RELN: variants seen among roughly 807,000 people sequenced by gnomAD.
The protein encoded by RELN is reelin.
In RELN, 108 loss-of-function variants were observed where a neutral mutation model predicts 427.6. The observed-to-expected ratio is 0.25, with a 90% CI of 0.22 to 0.30. The LOEUF (loss-of-function observed/expected upper bound fraction) is 0.30, where lower values mean the gene tolerates loss of function less well. Ranked by LOEUF, RELN falls within the 10% of genes least tolerant of loss-of-function variation. The pLI is 1.00. For missense variants in RELN, 3,715 were observed against 4,302.8 expected, an observed-to-expected ratio of 0.86 and a Z score of 3.82; for synonymous variants, 1,524 against 1,513.4, an observed-to-expected ratio of 1.01 and a Z score of -0.16.
chr7:103,742,398 G>A (rs1353646050), intron 6 of RELN, among the ~76,000 whole-genome samples: 5 of 152,216 alleles, frequency 3.3e-5, no homozygotes, highest in Non-Finnish European at 5.9e-5. Context: ...CACCAGTAAC[G>A]GAACAAAACT....
chr7:103,721,049 A>G (rs1011264666), intron 8 of RELN, among the ~76,000 whole-genome samples: 3 of 152,174 alleles, frequency 2.0e-5, no homozygotes, highest in Non-Finnish European at 4.4e-5. Context: ...AAGTTTATAA[A>G]CAATAAATTA....
At chr7:103,899,162 A>G (rs1795026487) in intron 2 of RELN, among the ~76,000 whole-genome samples, 1 of 152,074 alleles carries the variant, frequency 6.6e-6, no homozygotes, top group Admixed American at 6.6e-5. Context: ...TACTATAAAC[A>G]CCTCTACTTA....
chr7:103,686,000 A>G (rs1833757595), intron 10 of RELN, among the ~76,000 whole-genome samples: 1 of 152,142 alleles, frequency 6.6e-6, no homozygotes. Context: ...ATTTGCCTCT[A>G]CCATTGTTTT....
Position 103,519,344 on chromosome 7 carries a change from T to C in RELN, c.7841A>G (p.Tyr2614Cys), listed in dbSNP as rs775714542. 1 of 1,613,916 alleles carries C rather than the reference T, an allele frequency of 6.2e-7. No homozygotes were observed. The highest frequency in any genetic ancestry group is 8.5e-7 in the Non-Finnish European group (1 of 1,179,808). ...ITWNLLMEIF[Y>C]DQYSKPGFVN... is the part of the protein sequence containing the mutation. ...AAACCCGGGCTTACTGTACTGGTCA[T>C]AGAAAATCTCCATGAGCAGGTTCCA... is the stretch of plus-strand genomic sequence containing the variant. Residue 2614 changes from tyrosine (Y) to cysteine (C), a missense_variant, in exon 49 of 65, where the codon TAT (tyrosine) becomes TGT (cysteine). Coordinates refer to ENST00000428762, the MANE Select transcript of RELN (RefSeq NM_005045.4).
intron 1 of RELN, among the ~76,000 whole-genome samples, chr7:103,973,598 T>A (rs937837946): frequency 1.3e-5 from 2 of 152,040 alleles, no homozygotes; most frequent in East Asian, 3.9e-4. Context: ...AAAATATTGA[T>A]CATAACGTTT....
At chr7:103,630,314 T>C in intron 19 of RELN, 138 bp from the exon 20 acceptor site, 2 of 658,948 alleles carry the variant, frequency 3.0e-6, no homozygotes, top group Non-Finnish European at 5.2e-6. Context: ...TTTTTTGAGA[T>C]GTCCAGTTTC....
chr7:103,477,130 C>A (rs1020745086), intron 64 of RELN, among the ~76,000 whole-genome samples: 1 of 152,060 alleles, frequency 6.6e-6, no homozygotes, highest in African/African-American at 2.4e-5. Context: ...CCATTATTGC[C>A]AAGGGAGTTT....
chr7:103,975,515 GTATTTATTTATTTATTTATT>G (rs1554451147), intron 1 of RELN, among the ~76,000 whole-genome samples: 1 of 141,826 alleles, frequency 7.1e-6, no homozygotes, highest in Non-Finnish European at 1.5e-5. Context: ...GAATGGAGCA[GTATTTATTTATTTATTTATT>G]TATTTATTTA....
chr7:103,493,444 T>C (rs1828731712), intron 57 of RELN, among the ~76,000 whole-genome samples: 1 of 152,152 alleles, frequency 6.6e-6, no homozygotes, highest in African/African-American at 2.4e-5. Flanking sequence ...CACATTCAGT[T>C]GAGGTGCCAA....
In RELN at chr7:103,611,781, C is replaced by T. The variant is rs1167526294; in HGVS notation, c.2725G>A (p.Ala909Thr). 3 of 1,613,714 alleles carry T rather than the reference C, an allele frequency of 1.9e-6. No individual in the cohort carries two copies. In the Admixed American group the frequency reaches 5.0e-5, roughly 27 times the overall value. Residue 909 changes from alanine to threonine, a missense_variant, in exon 21 of 65, where the codon GCC becomes ACC. This residue lies in a region of RELN where 2,208 missense variants were observed against 2,361.7 expected (regional missense o/e 0.93). Coordinates refer to ENST00000428762, the MANE Select transcript of RELN (RefSeq NM_005045.4). ...GTTTCCACATAGCGCATACTTGAGGCAAGTTTAGAATCTCCTGTAAAACTG... is the reference window on the plus strand; with the variant it reads ...GTTTCCACATAGCGCATACTTGAGGTAAGTTTAGAATCTCCTGTAAAACTG... ...TLCFTGDSKL[A>T]SSMRYVETQS...
At chr7:103,527,919 A>G (rs978029918) in intron 46 of RELN, among the ~76,000 whole-genome samples, 1 of 152,244 alleles carries the variant, frequency 6.6e-6, no homozygotes, top group African/African-American at 2.4e-5. Context: ...CAAAAAGACA[A>G]TAACAAGTGC....
At chr7:103,859,428 G>C (rs39403) in intron 2 of RELN, among the ~76,000 whole-genome samples, 6 of 151,772 alleles carry the variant, frequency 4.0e-5, no homozygotes, top group Non-Finnish European at 5.9e-5. Flanking sequence ...TGAGTAGCTG[G>C]GACTACAGGC....
chr7:103,928,533 T>C (rs961692147), intron 1 of RELN, among the ~76,000 whole-genome samples: 3 of 152,180 alleles, frequency 2.0e-5, no homozygotes, highest in African/African-American at 7.2e-5. Flanking sequence ...AAGCTGCAAA[T>C]CCACAGCTCT....
intron 11 of RELN, among the ~76,000 whole-genome samples, chr7:103,675,611 G>A (rs1300992878): frequency 6.6e-6 from 1 of 152,194 alleles, no homozygotes; most frequent in African/African-American, 2.4e-5. Context: ...CAAAGCTGGA[G>A]GCGTCATGCT....
At chr7:103,531,264 G>C (rs1050699872) in intron 46 of RELN, among the ~76,000 whole-genome samples, 1 of 152,106 alleles carries the variant, frequency 6.6e-6, no homozygotes, top group South Asian at 2.1e-4. Context: ...AGCTCATAGG[G>C]GTGAAAAGGC....
chr7:103,811,628 C>T (rs576394107), intron 3 of RELN, among the ~76,000 whole-genome samples: 45 of 152,174 alleles, frequency 3.0e-4, no homozygotes, highest in African/African-American at 1.0e-3. Context: ...ATTAATTCAC[C>T]GTAAGTTATG....
chr7:103,926,326 C>G (rs1431018701), intron 1 of RELN, among the ~76,000 whole-genome samples: 1 of 152,038 alleles, frequency 6.6e-6, no homozygotes, highest in Non-Finnish European at 1.5e-5. Flanking sequence ...GATCTCTTGA[C>G]CTTGTGATCC....
intron 49 of RELN, among the ~76,000 whole-genome samples, chr7:103,517,210 T>C (rs533933438): frequency 5.9e-5 from 9 of 152,112 alleles, no homozygotes; most frequent in African/African-American, 2.2e-4. Context: ...TCTTGTGAGA[T>C]GTTCCTAACA....
At chr7:103,537,694 T>C (rs1416075545) in intron 45 of RELN, among the ~76,000 whole-genome samples, 8 of 152,134 alleles carry the variant, frequency 5.3e-5, no homozygotes, top group Admixed American at 5.2e-4. Flanking sequence ...CTAGACTGTT[T>C]TCAAAATCAC....
Sources: gnomAD v4.1 joint callset for allele counts (sites outside exome capture counted in the v4.1 genomes callset) on GRCh38, gnomAD v4.1.1 for gene constraint, gnomAD v4.1.1 regional missense constraint, MANE v1.5 for transcripts, NCBI Gene and HGNC (gene_info 2026-07-23, HGNC 2026-07-21) for gene names.